WDR25: variants seen among roughly 807,000 people sequenced by gnomAD.
WDR25 encodes WD repeat domain 25.
In WDR25, 35 loss-of-function variants were observed where a neutral mutation model predicts 47.7. That is an observed-to-expected ratio of 0.73 (90% CI 0.56 to 0.97). WDR25 has a LOEUF of 0.97. Among genes scored for constraint, WDR25 ranks in the 50% least tolerant of loss-of-function variants. The pLI is 0.00. For missense variants in WDR25, 634 were observed against 704.7 expected (o/e 0.90, Z 1.14); for synonymous variants, 248 against 278.9 (o/e 0.89, Z 1.10).
chr14:100,450,471 C>T (rs1228004859), intron 2 of WDR25, among the ~76,000 whole-genome samples: 1 of 152,260 alleles, frequency 6.6e-6, no homozygotes, highest in Non-Finnish European at 1.5e-5. Flanking sequence ...ACTAGACTCT[C>T]ATGAGCTATT....
intron 4 of WDR25, among the ~76,000 whole-genome samples, chr14:100,520,353 T>C (rs1901677033): frequency 6.6e-6 from 1 of 152,214 alleles, no homozygotes; most frequent in Admixed American, 6.5e-5. Context: ...CTAACATTTT[T>C]AAACTTCCAT....
intron 2 of WDR25, among the ~76,000 whole-genome samples, chr14:100,436,105 T>G (rs1307524054): frequency 6.6e-6 from 1 of 152,246 alleles, no homozygotes; most frequent in African/African-American, 2.4e-5. Flanking sequence ...AATTCTCAGC[T>G]CTGCTGTTGA....
At chr14:100,483,438 G>A (rs957164097) in intron 3 of WDR25, among the ~76,000 whole-genome samples, 1 of 152,148 alleles carries the variant, frequency 6.6e-6, no homozygotes, top group Non-Finnish European at 1.5e-5. Context: ...GGGCCACCAT[G>A]ATGGCCACTC....
intron 2 of WDR25, among the ~76,000 whole-genome samples, chr14:100,410,886 G>A (rs1897688964): frequency 6.6e-6 from 1 of 151,106 alleles, no homozygotes; most frequent in Non-Finnish European, 1.5e-5. Context: ...GGGCTCAAGC[G>A]ATCCTCCTAC....
In WDR25 at chr14:100,530,194, A is replaced by G; in HGVS notation, c.*153A>G. 1 of 802,844 alleles carries G rather than the reference A, an allele frequency of 1.2e-6. No individual in the cohort carries two copies. The highest frequency in any genetic ancestry group is 1.9e-6 in the Non-Finnish European group (1 of 520,450). 49.7% of individuals were successfully genotyped at this position (802,844 alleles called of 1,614,324 possible). On this transcript the variant is annotated 3_prime_UTR_variant, in exon 7 of 7. Transcript: ENST00000402312. The stretch of plus-strand genomic sequence containing the variant: ...TTCCTCATCTGTAAAGTGGGGAGAA[A>G]AGTCTGTTTGCCTCAGGAGTGTGAG...
chr14:100,395,962 T>G (rs1298267179), intron 2 of WDR25, among the ~76,000 whole-genome samples: 1 of 151,396 alleles, frequency 6.6e-6, no homozygotes, highest in African/African-American at 2.4e-5. Flanking sequence ...TTGTTCCACA[T>G]CTGTGAAATG....
At chr14:100,432,969 T>C (rs1898385806) in intron 2 of WDR25, among the ~76,000 whole-genome samples, 2 of 152,100 alleles carry the variant, frequency 1.3e-5, no homozygotes, top group African/African-American at 4.8e-5. Context: ...TGGAACACAA[T>C]GGGGCATTTG....
At position 100,507,565 on chromosome 14, in the gene WDR25, G is replaced by A. The variant is rs113286066; in HGVS notation, c.1102-18305G>A. 8.4e-3 allele frequency among the ~76,000 whole-genome samples: 1,272 copies of A among 151,042 alleles called. 27 individuals carry two copies. Among genetic ancestry groups the A allele is most frequent in the African/African-American group, 0.029 (1,196 of 41,250 alleles). The stretch of plus-strand genomic sequence containing the variant: ...GAATGGTTTTCTATTTGTTTGTGTC[G>A]TTTATGATTTCTTTCAGCAGTATTT... On this transcript the variant is annotated intron_variant, in intron 4 of 6. Transcript: ENST00000402312.
chr14:100,412,916 A>G (rs996029226), intron 2 of WDR25, among the ~76,000 whole-genome samples: 2 of 151,754 alleles, frequency 1.3e-5, no homozygotes, highest in African/African-American at 4.8e-5. Context: ...TGCAACCTCC[A>G]CCTCCTGAGT....
intron 3 of WDR25, among the ~76,000 whole-genome samples, chr14:100,474,928 A>T (rs1197432175): frequency 6.6e-6 from 1 of 152,226 alleles, no homozygotes; most frequent in Admixed American, 6.5e-5. Context: ...TGCATGAGGA[A>T]CTTAACTCAA....
In WDR25 at chr14:100,494,706, T is replaced by C. The variant is rs549691940; in HGVS notation, c.1101+10582T>C. ...TAGAATGGGCTGGACCTGGGTGTTT[T>C]CTTCCTCCACATAGAAGGCTAGAGG... is the stretch of plus-strand genomic sequence containing the variant. On this transcript the variant is annotated intron_variant, in intron 4 of 6. Coordinates refer to ENST00000402312, the MANE Select transcript of WDR25 (RefSeq NM_001161476.3). Among the ~76,000 whole-genome samples, 20 of 152,338 alleles carry C rather than the reference T, an allele frequency of 1.3e-4. No homozygotes were observed. In the South Asian group the frequency reaches 3.1e-3, roughly 24 times the overall value.
chr14:100,443,416 T>C (rs1433155809), intron 2 of WDR25, among the ~76,000 whole-genome samples: 1 of 144,550 alleles, frequency 6.9e-6, no homozygotes, highest in Admixed American at 7.3e-5. Flanking sequence ...GAATTCTTCC[T>C]AACACCGTTT....
intron 4 of WDR25, among the ~76,000 whole-genome samples, chr14:100,492,313 G>C (rs958109780): frequency 6.6e-6 from 1 of 152,178 alleles, no homozygotes; most frequent in African/African-American, 2.4e-5. Context: ...TCAGAGACCT[G>C]CCCTGCAACC....
At position 100,502,976 on chromosome 14, in the gene WDR25, T is replaced by C. The variant is rs1900982728; in HGVS notation, c.1101+18852T>C. Among the ~76,000 whole-genome samples the C allele has an allele frequency of 6.6e-6, 1 of 151,996 alleles. No individual in the cohort carries two copies. Among genetic ancestry groups the C allele is most frequent in the South Asian group, 2.1e-4 (1 of 4,818 alleles). On this transcript the variant is annotated intron_variant, in intron 4 of 6. Transcript: ENST00000402312. The surrounding 1 kb of genome is among the most constrained non-coding windows in gnomAD (Gnocchi z 4.5). ...GTGAGTGTGTGTGTCTGTATGTGTG[T>C]CGGTGCATGTGTGTGTGTCCATCCA...
intron 3 of WDR25, among the ~76,000 whole-genome samples, chr14:100,479,730 C>T (rs570061409): frequency 2.0e-5 from 3 of 152,252 alleles, no homozygotes; most frequent in Non-Finnish European, 2.9e-5. Flanking sequence ...CCCTGGGCCA[C>T]GGACTGGTAC....
intron 2 of WDR25, among the ~76,000 whole-genome samples, chr14:100,456,340 T>C (rs1428583234): frequency 6.6e-6 from 1 of 152,130 alleles, no homozygotes; most frequent in Non-Finnish European, 1.5e-5. Flanking sequence ...GAATTTACTG[T>C]GTCTAGTATC....
At chr14:100,405,017 G>T (rs889120216) in intron 2 of WDR25, among the ~76,000 whole-genome samples, 1 of 152,000 alleles carries the variant, frequency 6.6e-6, no homozygotes, top group African/African-American at 2.4e-5. Flanking sequence ...CACCTCAGAG[G>T]CTTCTTCCAG....
intron 4 of WDR25, chr14:100,504,514 T>G (rs1901047615): frequency 6.6e-6 from 1 of 152,228 alleles, no homozygotes; most frequent in Admixed American, 6.5e-5. Context: ...GGGGAGCTTG[T>G]GAGTCTGCTG....
At chr14:100,431,945 G>C (rs1898352370) in intron 2 of WDR25, among the ~76,000 whole-genome samples, 1 of 152,100 alleles carries the variant, frequency 6.6e-6, no homozygotes, top group Non-Finnish European at 1.5e-5. Context: ...ACTGACCTCA[G>C]GTGATCCACC....
Sources: allele counts gnomAD v4.1 joint callset (sites outside exome capture counted in the v4.1 genomes callset), GRCh38; gene constraint gnomAD v4.1.1; non-coding constraint Gnocchi (gnomAD v3.1); transcripts MANE v1.5; gene names NCBI Gene and HGNC (gene_info 2026-07-23, HGNC 2026-07-21).